The following RBMS1 variants were observed in gnomAD, a reference collection of about 807,000 sequenced individuals.
RBMS1 encodes the protein RNA binding motif single stranded interacting protein 1, also known as RNA-binding motif, single-stranded-interacting protein 1.
Under a neutral mutation model 62.3 loss-of-function variants are expected in RBMS1, and 17 were observed. The ratio of observed to expected loss-of-function variants is 0.27; its 90% CI spans 0.19 to 0.41. The LOEUF (loss-of-function observed/expected upper bound fraction) is 0.41, where lower values mean the gene tolerates loss of function less well. RBMS1 is among the 10% of genes least tolerant of loss of function. The pLI, the probability that RBMS1 is intolerant of heterozygous loss-of-function variation, is 1.00. For synonymous variants in RBMS1, 172 were observed against 170.0 expected, an observed-to-expected ratio of 1.01 and a Z score of -0.09; for missense variants, 334 against 504.5, an observed-to-expected ratio of 0.66 and a Z score of 3.24.
chr2:160,328,099 T>C (rs909445648), intron 2 of RBMS1, among the ~76,000 whole-genome samples: 35 of 152,238 alleles, frequency 2.3e-4, no homozygotes, highest in African/African-American at 8.2e-4. Flanking sequence ...ATATGGCCAA[T>C]GGGCAGCCCT....
At chr2:160,479,310 G>C (rs530659840) in intron 1 of RBMS1, among the ~76,000 whole-genome samples, 1 of 152,258 alleles carries the variant, frequency 6.6e-6, no homozygotes, top group African/African-American at 2.4e-5. Flanking sequence ...GGGCTACCCA[G>C]CTCATCTACA....
chr2:160,277,481 C>A, intron 11 of RBMS1, 98 bp from the exon 12 acceptor site: 1 of 887,670 alleles, frequency 1.1e-6, no homozygotes, highest in Non-Finnish European at 1.8e-6. Context: ...ATTTGGAAAT[C>A]TCAAAGAAGA....
intron 1 of RBMS1, among the ~76,000 whole-genome samples, chr2:160,472,427 G>A (rs187173861): frequency 7.2e-4 from 110 of 152,188 alleles, no homozygotes; most frequent in African/African-American, 2.6e-3. Context: ...TAACAACACC[G>A]AAGGATAAAA....
At chr2:160,476,849 C>T (rs1685161693) in intron 1 of RBMS1, among the ~76,000 whole-genome samples, 1 of 152,168 alleles carries the variant, frequency 6.6e-6, no homozygotes, top group South Asian at 2.1e-4. Context: ...CCACCGCGCC[C>T]GGCCCAAAAC....
intron 9 of RBMS1, chr2:160,282,382 T>A: frequency 1.6e-6 from 2 of 1,266,908 alleles, no homozygotes; most frequent in Non-Finnish European, 1.1e-6. Flanking sequence ...CCCATTGGGG[T>A]TGGTGGTTTC....
At chr2:160,380,275 C>T (rs879298861) in intron 1 of RBMS1, among the ~76,000 whole-genome samples, 3 of 152,048 alleles carry the variant, frequency 2.0e-5, no homozygotes, top group Admixed American at 6.5e-5. Context: ...TCTCTGCCCA[C>T]CCCCACCTAA....
chr2:160,412,875 A>G (rs1353516041), intron 1 of RBMS1, among the ~76,000 whole-genome samples: 1 of 152,270 alleles, frequency 6.6e-6, no homozygotes, highest in South Asian at 2.1e-4. Flanking sequence ...CTAATTGATG[A>G]ACTTCCTAAA....
At chr2:160,348,844 T>C (rs991145854) in intron 2 of RBMS1, among the ~76,000 whole-genome samples, 1 of 152,162 alleles carries the variant, frequency 6.6e-6, no homozygotes, top group Non-Finnish European at 1.5e-5. Flanking sequence ...GGTAAAACTC[T>C]ATAATCTGAA....
chr2:160,451,603 TTTATTA>T (rs1014100092), intron 1 of RBMS1, among the ~76,000 whole-genome samples: 3 of 151,888 alleles, frequency 2.0e-5, no homozygotes, highest in African/African-American at 7.3e-5. Context: ...CAGCACTGTT[TTTATTA>T]TTATTATTAT....
chr2:160,453,492 A>C (rs1684085760), intron 1 of RBMS1, among the ~76,000 whole-genome samples: 1 of 152,114 alleles, frequency 6.6e-6, no homozygotes, highest in South Asian at 2.1e-4. Context: ...TACTTTCATA[A>C]TTTAAAAAAA....
chr2:160,483,716 C>T (rs987804887), intron 1 of RBMS1, among the ~76,000 whole-genome samples: 1 of 152,140 alleles, frequency 6.6e-6, no homozygotes, highest in African/African-American at 2.4e-5. Context: ...AGAAGTCAGT[C>T]CAGAGTGGCT....
chr2:160,481,554 G>A (rs1448052242), intron 1 of RBMS1, among the ~76,000 whole-genome samples: 1 of 152,016 alleles, frequency 6.6e-6, no homozygotes, highest in Non-Finnish European at 1.5e-5. Flanking sequence ...TATGTGTGAT[G>A]AAGGATTGTA....
chr2:160,282,052 G>GGCAGAC (rs1454484070), intron 9 of RBMS1: 3 of 360,122 alleles, frequency 8.3e-6, no homozygotes, highest in Non-Finnish European at 1.6e-5. Context: ...AAGAAAGCAT[G>GGCAGAC]TGTAGTCTGC....
chr2:160,403,560 C>T (rs1483794615), intron 1 of RBMS1, among the ~76,000 whole-genome samples: 2 of 152,212 alleles, frequency 1.3e-5, no homozygotes, highest in Non-Finnish European at 2.9e-5. Context: ...AGGCAGTAAA[C>T]TATGTAAATC....
In RBMS1 at chr2:160,318,155, C is replaced by T. The variant is rs183699622; in HGVS notation, c.310+14G>A. 1.3e-5 allele frequency: 20 copies of T among 1,591,760 alleles called. No homozygotes were observed. In the Admixed American group the frequency reaches 2.8e-4, roughly 23 times the overall value. On this transcript the variant is annotated intron_variant, in intron 3 of 13. Transcript: ENST00000348849. ...AAGCTATCATTTACCAAATAACCAG[C>T]CAAGAAAACATACCTTTGCATTTGT...
At position 160,285,158 on chromosome 2, in the gene RBMS1, G is replaced by A. The variant is rs1000674001; in HGVS notation, c.757-114C>T. ...TGTAGTCCCAGCTGCTGGGGAGGCT[G>A]AGGTGGGAAGATCCTTTTGAAGCCC... is the stretch of plus-strand genomic sequence containing the variant. On this transcript the variant is annotated intron_variant, in intron 7 of 13. Transcript: ENST00000348849. 1.4e-5 allele frequency: 14 copies of A among 967,328 alleles called. 1 individual carries two copies. The highest frequency in any genetic ancestry group is 1.3e-4 in the African/African-American group (8 of 61,878). 59.9% of individuals were successfully genotyped at this position (967,328 alleles called of 1,614,324 possible). A position where few individuals can be genotyped will look rare whatever the true frequency, so the allele number is the denominator to read the frequency against.
chr2:160,479,494 G>A (rs1685276776), intron 1 of RBMS1, among the ~76,000 whole-genome samples: 1 of 152,220 alleles, frequency 6.6e-6, no homozygotes, highest in Non-Finnish European at 1.5e-5. Context: ...ACCAGCTGGT[G>A]CCACTGGCCC....
At position 160,313,198 on chromosome 2, in the gene RBMS1, C is replaced by T. The variant is rs915206566; in HGVS notation, c.360G>A (p.Val120=). ...FDSPAAAQKA[V]SALKASGVQA... ...GAACCCCACTGGCCTTCAGGGCAGACACAGCTTTTTGAGCTGCTGCAGGGC... is the reference window on the plus strand; with the variant it reads ...GAACCCCACTGGCCTTCAGGGCAGATACAGCTTTTTGAGCTGCTGCAGGGC... Residue 120 remains valine (V), a synonymous_variant, in exon 4 of 14, where the codon GTG becomes GTA. Coordinates refer to ENST00000348849, the MANE Select transcript of RBMS1 (RefSeq NM_016836.4). 3.1e-6 allele frequency: 5 copies of T among 1,613,536 alleles called. No homozygotes were observed. The highest frequency in any genetic ancestry group is 4.2e-6 in the Non-Finnish European group (5 of 1,179,664).
chr2:160,424,470 C>T lies in RBMS1; in HGVS notation c.76-57079G>A, dbSNP rs115281710. ...GAAAGCCTTCAGAATCTGAGAAGCACGTTTTCTCTCATGAGTGAAAATACT... is the reference window on the plus strand; with the variant it reads ...GAAAGCCTTCAGAATCTGAGAAGCATGTTTTCTCTCATGAGTGAAAATACT... On this transcript the variant is annotated intron_variant, in intron 1 of 13. Coordinates refer to ENST00000348849, the MANE Select transcript of RBMS1 (RefSeq NM_016836.4). 8.4e-3 allele frequency among the ~76,000 whole-genome samples: 1,271 copies of T among 152,000 alleles called. 22 individuals are homozygous for T. Among genetic ancestry groups the T allele is most frequent in the African/African-American group, 0.027 (1,125 of 41,398 alleles).
Sources: allele counts gnomAD v4.1 joint callset (sites outside exome capture counted in the v4.1 genomes callset), GRCh38; gene constraint gnomAD v4.1.1; transcripts MANE v1.5; gene names NCBI Gene and HGNC (gene_info 2026-07-23, HGNC 2026-07-21).